The following CEP55 variants were observed in gnomAD, a reference collection of about 807,000 sequenced individuals.
CEP55 encodes centrosomal protein 55.
Under a neutral mutation model 63.2 loss-of-function variants are expected in CEP55, and 57 were observed. The ratio of observed to expected loss-of-function variants is 0.90; its 90% CI spans 0.73 to 1.13. The LOEUF (loss-of-function observed/expected upper bound fraction) is 1.13, where lower values mean the gene tolerates loss of function less well. Among genes scored for constraint, CEP55 ranks in the 50% most tolerant of loss-of-function variants. The pLI, the probability that CEP55 is intolerant of heterozygous loss-of-function variation, is 0.00. For missense variants in CEP55, 456 were observed against 518.9 expected, an observed-to-expected ratio of 0.88 and a Z score of 1.18; for synonymous variants, 178 against 191.6, an observed-to-expected ratio of 0.93 and a Z score of 0.59.
rs1356964651 is a variant in CEP55 at position 93,527,412 on chromosome 10, C to T, written c.1192-538C>T. On this transcript the variant is annotated intron_variant, in intron 8 of 8. Coordinates refer to ENST00000371485, the MANE Select transcript of CEP55 (RefSeq NM_018131.5). Reference sequence around the variant, plus strand: ...TCCTAATAAAACATATTCATATATACACCCAACTCCCATATCTGGGTAATT... The same window carrying T: ...TCCTAATAAAACATATTCATATATATACCCAACTCCCATATCTGGGTAATT... Among the ~76,000 whole-genome samples, 4 of 152,334 alleles carry T rather than the reference C, an allele frequency of 2.6e-5. No homozygotes were observed. The East Asian group carries it at 7.7e-4, about 29-fold the overall frequency.
intron 8 of CEP55, among the ~76,000 whole-genome samples, chr10:93,525,300 A>G (rs1230734040): frequency 6.6e-6 from 1 of 152,158 alleles, no homozygotes; most frequent in East Asian, 1.9e-4. Context: ...CCAATAACAG[A>G]CAGAGAGCCA....
At chr10:93,519,944 T>C in intron 8 of CEP55, 137 bp downstream of exon 8, 1 of 857,222 alleles carries the variant, frequency 1.2e-6, no homozygotes, top group Non-Finnish European at 1.9e-6. Flanking sequence ...CTGCCTCATT[T>C]GAAGCAACTG....
At chr10:93,523,760 A>C (rs1165396009) in intron 8 of CEP55, among the ~76,000 whole-genome samples, 1 of 152,232 alleles carries the variant, frequency 6.6e-6, no homozygotes, top group African/African-American at 2.4e-5. Context: ...CAGTGCAATC[A>C]AACTAGAACT....
At chr10:93,499,264 C>T (rs1025783017) in intron 1 of CEP55, among the ~76,000 whole-genome samples, 5 of 152,116 alleles carry the variant, frequency 3.3e-5, no homozygotes, top group Non-Finnish European at 7.3e-5. Flanking sequence ...TGGATCTGAA[C>T]TAGGCTACCT....
chr10:93,497,868 C>T (rs2057589227), intron 1 of CEP55, among the ~76,000 whole-genome samples: 1 of 151,706 alleles, frequency 6.6e-6, no homozygotes, highest in Non-Finnish European at 1.5e-5. Context: ...CCTGTAATCC[C>T]AGCACTTTGG....
intron 8 of CEP55, among the ~76,000 whole-genome samples, chr10:93,524,266 G>A (rs568975555): frequency 6.6e-5 from 10 of 152,142 alleles, no homozygotes; most frequent in Admixed American, 2.0e-4. Flanking sequence ...ATATCACACC[G>A]ATCCCACAGA....
intron 1 of CEP55, among the ~76,000 whole-genome samples, chr10:93,499,483 T>C (rs1564759808): frequency 6.6e-6 from 1 of 151,672 alleles, no homozygotes; most frequent in Non-Finnish European, 1.5e-5. Context: ...ATTACACATA[T>C]AGAACACTAC....
At chr10:93,506,725 GC>G (rs1374618518) in intron 3 of CEP55, among the ~76,000 whole-genome samples, 2 of 152,068 alleles carry the variant, frequency 1.3e-5, no homozygotes, top group Non-Finnish European at 2.9e-5. Context: ...AGGCCACCAG[GC>G]TCAGCTAATT....
chr10:93,524,280 A>G (rs1258832394), intron 8 of CEP55, among the ~76,000 whole-genome samples: 1 of 152,212 alleles, frequency 6.6e-6, no homozygotes, highest in African/African-American at 2.4e-5. Context: ...CCACAGAAAT[A>G]CAAACTACCA....
chr10:93,502,833 C>T (rs1182323957), intron 2 of CEP55, among the ~76,000 whole-genome samples: 3 of 152,198 alleles, frequency 2.0e-5, no homozygotes, highest in Non-Finnish European at 4.4e-5. Flanking sequence ...AGCTTTTTCT[C>T]ACCACCCTTG....
intron 6 of CEP55, among the ~76,000 whole-genome samples, chr10:93,517,799 G>A (rs2057820054): frequency 6.6e-6 from 1 of 152,194 alleles, no homozygotes; most frequent in Non-Finnish European, 1.5e-5. Context: ...GTACTTTGAT[G>A]GAACTCTTTA....
chr10:93,519,949 C>A (rs1442229069), intron 8 of CEP55, 142 bp downstream of exon 8: 1 of 840,628 alleles, frequency 1.2e-6, no homozygotes, highest in Non-Finnish European at 1.9e-6. Context: ...TCATTTGAAG[C>A]AACTGCCCTT....
rs3740370 is a variant in CEP55, at chr10:93,500,222, C to G, written c.171C>G (p.His57Gln). The change falls in exon 2 of 9, where the codon CAC becomes CAG. Residue 57 changes from histidine to glutamine, a missense_variant. Coordinates refer to ENST00000371485, the MANE Select transcript of CEP55 (RefSeq NM_018131.5). ...GKGKLTDKER[H>Q]RLLEKIRVLE... ...GAAAGCTGACTGATAAAGAGAGACACAGACTTTTGGAGGTAAATGGTCTTC... is the reference window on the plus strand; with the variant it reads ...GAAAGCTGACTGATAAAGAGAGACAGAGACTTTTGGAGGTAAATGGTCTTC... 358,818 of 1,607,764 alleles carry G rather than the reference C, an allele frequency of 0.22. 41,389 individuals are homozygous for G. Among genetic ancestry groups the G allele is most frequent in the Middle Eastern group, 0.29 (1,724 of 6,038 alleles).
intron 8 of CEP55, among the ~76,000 whole-genome samples, chr10:93,526,051 CA>C (rs2057918503): frequency 6.6e-6 from 1 of 151,942 alleles, no homozygotes; most frequent in Non-Finnish European, 1.5e-5. Flanking sequence ...TCTAAAACAC[CA>C]AAAGCAATGG....
chr10:93,514,541 C>A (rs1033554767), intron 4 of CEP55, among the ~76,000 whole-genome samples: 2 of 152,188 alleles, frequency 1.3e-5, no homozygotes, highest in South Asian at 4.1e-4. Flanking sequence ...GACCATCAGA[C>A]CATGATGAAA....
intron 4 of CEP55, among the ~76,000 whole-genome samples, chr10:93,511,479 G>A (rs75370125): frequency 0.065 from 9,872 of 152,192 alleles, 354 homozygotes; most frequent in Non-Finnish European, 0.076. Context: ...GGTGGCATAA[G>A]GAAATGTTTA....
At chr10:93,519,019 TG>T (rs1564767802) in intron 7 of CEP55, 71 bp downstream of exon 7, 1 of 1,135,882 alleles carries the variant, frequency 8.8e-7, no homozygotes, top group South Asian at 1.3e-5. Context: ...ATGTTTATGC[TG>T]TTCTATGGAG....
At chr10:93,519,408 A>G (rs1030944254) in intron 7 of CEP55, among the ~76,000 whole-genome samples, 3 of 152,204 alleles carry the variant, frequency 2.0e-5, no homozygotes, top group Non-Finnish European at 4.4e-5. Context: ...TCCCCCTTAA[A>G]AAAGGTGGAT....
chr10:93,505,667 G>T (rs2057680801), intron 3 of CEP55, among the ~76,000 whole-genome samples: 1 of 152,072 alleles, frequency 6.6e-6, no homozygotes, highest in South Asian at 2.1e-4. Context: ...GAGCTTCTTT[G>T]CCAGTATTCA....
Sources: gnomAD v4.1 joint callset for allele counts (sites outside exome capture counted in the v4.1 genomes callset) on GRCh38, gnomAD v4.1.1 for gene constraint, MANE v1.5 for transcripts, NCBI Gene and HGNC (gene_info 2026-07-23, HGNC 2026-07-21) for gene names.